The following GHR variants were observed in gnomAD, a reference collection of about 807,000 sequenced individuals.
GHR encodes the protein growth hormone receptor, also known as GH receptor.
In GHR, 35 loss-of-function variants were observed where a neutral mutation model predicts 67.1. The ratio of observed to expected loss-of-function variants is 0.52; its 90% CI spans 0.40 to 0.69. The LOEUF is 0.69. Ranked by LOEUF, GHR falls within the 30% of genes least tolerant of loss-of-function variation. The pLI, the probability that GHR is intolerant of heterozygous loss-of-function variation, is 0.00. For missense variants in GHR, 792 were observed against 764.6 expected, an observed-to-expected ratio of 1.04 and a Z score of -0.42; for synonymous variants, 272 against 269.1, an observed-to-expected ratio of 1.01 and a Z score of -0.10.
chr5:42,456,037 A>C (rs1744245100), intron 1 of GHR, among the ~76,000 whole-genome samples: 1 of 152,240 alleles, frequency 6.6e-6, no homozygotes, highest in African/African-American at 2.4e-5. Flanking sequence ...TTCGGGCCAC[A>C]CACAATGGCT....
chr5:42,548,439 A>C (rs1748840972), intron 1 of GHR: 10 of 985,178 alleles, frequency 1.0e-5, no homozygotes, highest in Non-Finnish European at 1.2e-5. Flanking sequence ...GAGTGAAAGA[A>C]AAAGGAAATT....
intron 3 of GHR, among the ~76,000 whole-genome samples, chr5:42,647,120 T>G (rs1754771125): frequency 6.6e-6 from 1 of 152,116 alleles, no homozygotes; most frequent in Non-Finnish European, 1.5e-5. Context: ...GTGATGCCGC[T>G]GAGAAAATGG....
intron 3 of GHR, among the ~76,000 whole-genome samples, chr5:42,634,845 C>G (rs967055482): frequency 3.9e-5 from 6 of 152,098 alleles, no homozygotes; most frequent in Admixed American, 3.9e-4. Context: ...TGCCTGCGGC[C>G]CACCACTGCC....
At chr5:42,579,197 T>TAGAC (rs1554021935) in intron 2 of GHR, among the ~76,000 whole-genome samples, 5 of 145,582 alleles carry the variant, frequency 3.4e-5, no homozygotes, top group African/African-American at 1.0e-4. Flanking sequence ...GATAGATAGA[T>TAGAC]AGACAGATAG....
At chr5:42,468,207 G>C in intron 1 of GHR, 2 of 1,442,772 alleles carry the variant, frequency 1.4e-6, no homozygotes, top group Admixed American at 1.7e-5. Flanking sequence ...TGTTCTCAGA[G>C]TGCACTTGTT....
chr5:42,474,629 A>AC (rs990313588), intron 1 of GHR, among the ~76,000 whole-genome samples: 1 of 152,160 alleles, frequency 6.6e-6, no homozygotes, highest in African/African-American at 2.4e-5. Context: ...AACAACAACA[A>AC]AAAAAGGCAG....
chr5:42,493,958 T>C (rs549732632), intron 1 of GHR, among the ~76,000 whole-genome samples: 3 of 152,268 alleles, frequency 2.0e-5, no homozygotes, highest in African/African-American at 7.2e-5. Context: ...GAGACTGGCA[T>C]TGAGCTCTTG....
rs949031881 is a variant in GHR at position 42,718,676 on chromosome 5, G to C, written c.1169G>C (p.Cys390Ser). ...KDGDSGRTSC[C>S]EPDILETDFN... ...GGCGACTCTGGACGTACCAGCTGTT[G>C]TGAACCTGACATTCTGGAGACTGAT... The change falls in exon 10 of 10, where the codon TGT becomes TCT. Residue 390 changes from cysteine to serine, a missense_variant. Physicochemically the swap from Cys to Ser is moderately radical, Grantham distance 112. Transcript: ENST00000230882. The C allele has an allele frequency of 1.7e-5, 28 of 1,614,228 alleles. No individual in the cohort carries two copies. Among genetic ancestry groups the C allele is most frequent in the Non-Finnish European group, 2.4e-5 (28 of 1,180,032 alleles).
In GHR at chr5:42,719,554, C is replaced by A. The variant is rs1020726497; in HGVS notation, c.*130C>A. The A allele has an allele frequency of 7.1e-6, 6 of 848,052 alleles. No homozygotes were observed. The highest frequency in any genetic ancestry group is 1.2e-5 in the Non-Finnish European group (6 of 500,588). 52.5% of individuals were successfully genotyped at this position (848,052 alleles called of 1,614,324 possible). A position where few individuals can be genotyped will look rare whatever the true frequency, so the allele number is the denominator to read the frequency against. On this transcript the variant is annotated 3_prime_UTR_variant, in exon 10 of 10. Transcript: ENST00000230882. ...AGGATGGGGTATGGATTCTAAAATG[C>A]CTTTTCCCAAAATGTTGAAATATGA...
chr5:42,534,516 G>GTATATA (rs1561103147), intron 1 of GHR, among the ~76,000 whole-genome samples: 30 of 143,878 alleles, frequency 2.1e-4, no homozygotes, highest in Non-Finnish European at 3.6e-4. Context: ...ATATGTATAT[G>GTATATA]TGTATATATG....
At chr5:42,536,177 C>G (rs771827572) in intron 1 of GHR, among the ~76,000 whole-genome samples, 1 of 152,106 alleles carries the variant, frequency 6.6e-6, no homozygotes, top group Non-Finnish European at 1.5e-5. Flanking sequence ...TCTGATTGCT[C>G]TGGCTAGGAC....
chr5:42,520,915 G>A lies in GHR; in HGVS notation c.-11-44949G>A, dbSNP rs77854606. Among the ~76,000 whole-genome samples the A allele has an allele frequency of 1.5e-3, 228 of 152,256 alleles. 2 individuals carry two copies. In the East Asian group the frequency reaches 0.04, roughly 27 times the overall value. ...ATATGTGTCACCCCTTCTGGTCTCC[G>A]TTGCTCTCTATCACATCACCTATTG... On this transcript the variant is annotated intron_variant, in intron 1 of 9. Coordinates refer to ENST00000230882, the MANE Select transcript of GHR (RefSeq NM_000163.5).
chr5:42,719,368 T>A lies in GHR; in HGVS notation c.1861T>A (p.Phe621Ile). The change falls in exon 10 of 10, where the codon TTT (phenylalanine) becomes ATT (isoleucine). Residue 621 changes from phenylalanine (F) to isoleucine (I), a missense_variant. Phe to Ile is a conservative substitution (Grantham distance 21, BLOSUM62 0). Transcript: ENST00000230882. Reference protein sequence around the residue: ...ATALPLPDKEFLSSCGYVSTD... With the variant: ...ATALPLPDKEILSSCGYVSTD... ...TGCCTTGCCCTTGCCTGACAAAGAGTTTCTCTCATCATGTGGCTATGTGAG... is the reference window on the plus strand; with the variant it reads ...TGCCTTGCCCTTGCCTGACAAAGAGATTCTCTCATCATGTGGCTATGTGAG... The A allele has an allele frequency of 6.2e-7, 1 of 1,613,932 alleles. No individual in the cohort carries two copies. The highest frequency in any genetic ancestry group is 8.5e-7 in the Non-Finnish European group (1 of 1,179,912).
At position 42,719,270 on chromosome 5, in the gene GHR, C is replaced by A; in HGVS notation, c.1763C>A (p.Ser588Tyr). ...RPGTGEHVPG[S>Y]EMPVPDYTSI... ...GGGACAGGAGAACATGTTCCAGGTTCTGAGATGCCTGTCCCAGACTATACC... is the reference window on the plus strand; with the variant it reads ...GGGACAGGAGAACATGTTCCAGGTTATGAGATGCCTGTCCCAGACTATACC... Residue 588 changes from serine (S) to tyrosine (Y), a missense_variant, in exon 10 of 10, where the codon TCT becomes TAT. Ser to Tyr is a moderately radical substitution (Grantham distance 144). Transcript: ENST00000230882. 1 of 1,614,142 alleles carries A rather than the reference C, an allele frequency of 6.2e-7. No homozygotes were observed. Among genetic ancestry groups the A allele is most frequent in the Non-Finnish European group, 8.5e-7 (1 of 1,180,006 alleles).
At chr5:42,453,869 A>G (rs1744151183) in intron 1 of GHR, among the ~76,000 whole-genome samples, 1 of 152,180 alleles carries the variant, frequency 6.6e-6, no homozygotes, top group Non-Finnish European at 1.5e-5. Flanking sequence ...CTATTGGGGT[A>G]TAGGTGCAGA....
chr5:42,641,278 CT>C (rs1239164258), intron 3 of GHR, among the ~76,000 whole-genome samples: 2 of 152,104 alleles, frequency 1.3e-5, no homozygotes, highest in East Asian at 3.8e-4. Context: ...TTTCTCTAAG[CT>C]TTATAACACT....
chr5:42,593,515 T>G (rs1482610252), intron 2 of GHR, among the ~76,000 whole-genome samples: 1 of 152,196 alleles, frequency 6.6e-6, no homozygotes, highest in Non-Finnish European at 1.5e-5. Context: ...TGAAGAAGTA[T>G]GAGGCACTGT....
intron 1 of GHR, among the ~76,000 whole-genome samples, chr5:42,442,161 G>C (rs1743607207): frequency 6.6e-6 from 1 of 152,150 alleles, no homozygotes. Flanking sequence ...GAGAGAGAAA[G>C]GGGCTGGCAT....
rs571634611 is a variant in GHR, at chr5:42,537,538, A to G, written c.-11-28326A>G. Reference sequence around the variant, plus strand: ...TGAGAGAGTACTTGATATAATTTCAATTTTCTTAAATTTATTGAGGCTTAT... The same window carrying G: ...TGAGAGAGTACTTGATATAATTTCAGTTTTCTTAAATTTATTGAGGCTTAT... On this transcript the variant is annotated intron_variant, in intron 1 of 9. Coordinates refer to ENST00000230882, the MANE Select transcript of GHR (RefSeq NM_000163.5). Among the ~76,000 whole-genome samples, 116 of 152,086 alleles carry G rather than the reference A, an allele frequency of 7.6e-4. 1 individual carries two copies. The highest frequency in any genetic ancestry group is 2.5e-3 in the African/African-American group (105 of 41,484).
Sources: allele counts gnomAD v4.1 joint callset (sites outside exome capture counted in the v4.1 genomes callset), GRCh38; gene constraint gnomAD v4.1.1; transcripts MANE v1.5; gene names NCBI Gene and HGNC (gene_info 2026-07-23, HGNC 2026-07-21).